Variants in ANO2 observed in about 807,000 individuals in gnomAD.
The protein encoded by ANO2 is anoctamin-2.
ANO2 carries 101 observed loss-of-function variants against 124.2 expected under a neutral mutation model. The ratio of observed to expected loss-of-function variants is 0.81; its 90% CI spans 0.69 to 0.96. The LOEUF is 0.96. ANO2 is among the 40% of genes least tolerant of loss of function. The pLI, the probability that ANO2 is intolerant of heterozygous loss-of-function variation, is 0.00. For synonymous variants in ANO2, 486 were observed against 482.5 expected (o/e 1.01, Z -0.09); for missense variants, 1,293 against 1,274.5 (o/e 1.01, Z -0.22).
chr12:5,765,932 GT>G (rs1355181423), intron 10 of ANO2, among the ~76,000 whole-genome samples: 1 of 152,144 alleles, frequency 6.6e-6, no homozygotes, highest in Non-Finnish European at 1.5e-5. Context: ...CAACATCCAA[GT>G]AATCAATAAA....
chr12:5,789,977 C>A (rs7310386), intron 10 of ANO2, among the ~76,000 whole-genome samples: 38 of 152,106 alleles, frequency 2.5e-4, no homozygotes, highest in African/African-American at 8.5e-4. Context: ...TCCAGGGACA[C>A]GTGGTCAAAC....
intron 16 of ANO2, among the ~76,000 whole-genome samples, chr12:5,616,079 C>T (rs1944791930): frequency 6.6e-6 from 1 of 152,066 alleles, no homozygotes; most frequent in Admixed American, 6.6e-5. Context: ...AACCAGTGGA[C>T]AATGGTTCAG....
Position 5,938,696 on chromosome 12 carries a change from G to A in ANO2, c.22+6500C>T, listed in dbSNP as rs191427114. On this transcript the variant is annotated intron_variant, in intron 1 of 24. Coordinates refer to ENST00000682330, the MANE Select transcript of ANO2 (RefSeq NM_001364791.2). ...AAAAATTAGCTGGGTGTGGTGGCAG[G>A]CACCTGTAATCCCAGCTACTCAGGA... Among the ~76,000 whole-genome samples, 622 of 152,208 alleles carry A rather than the reference G, an allele frequency of 4.1e-3. 5 individuals are homozygous for A. Among genetic ancestry groups the A allele is most frequent in the African/African-American group, 0.014 (583 of 41,536 alleles).
chr12:5,578,114 G>C, intron 21 of ANO2, 107 bp from the exon 22 acceptor site: 2 of 1,397,254 alleles, frequency 1.4e-6, no homozygotes, highest in African/African-American at 2.9e-5. Flanking sequence ...GAGCAGCTTT[G>C]CTGGGCCCCC....
chr12:5,738,857 A>G (rs1950979267), intron 13 of ANO2, among the ~76,000 whole-genome samples: 1 of 152,156 alleles, frequency 6.6e-6, no homozygotes, highest in South Asian at 2.1e-4. Flanking sequence ...CACATAGTGC[A>G]CTGGCTTATA....
At chr12:5,647,553 A>G (rs1256681765) in intron 15 of ANO2, among the ~76,000 whole-genome samples, 174 bp downstream of exon 15, 1 of 152,176 alleles carries the variant, frequency 6.6e-6, no homozygotes, top group East Asian at 1.9e-4. Context: ...AAATTCTAGC[A>G]TGGGTGGTCA....
At chr12:5,812,317 A>G (rs568868906) in intron 7 of ANO2, among the ~76,000 whole-genome samples, 108 of 109,984 alleles carry the variant, frequency 9.8e-4, no homozygotes, top group Admixed American at 2.2e-3. Flanking sequence ...GGAAGGAAGG[A>G]AGGGAGGGAG....
intron 14 of ANO2, among the ~76,000 whole-genome samples, chr12:5,651,282 C>T (rs1946903524): frequency 6.6e-6 from 1 of 152,208 alleles, no homozygotes; most frequent in Non-Finnish European, 1.5e-5. Context: ...ACATAAGTGC[C>T]CTTTTGGCAA....
intron 16 of ANO2, among the ~76,000 whole-genome samples, chr12:5,625,290 T>C (rs1945340358): frequency 6.6e-6 from 1 of 151,622 alleles, no homozygotes; most frequent in Non-Finnish European, 1.5e-5. Flanking sequence ...AGGATGAAAC[T>C]TGTGAAAAAT....
At chr12:5,611,163 G>T (rs1274190317) in intron 19 of ANO2, among the ~76,000 whole-genome samples, 1 of 151,608 alleles carries the variant, frequency 6.6e-6, no homozygotes, top group Non-Finnish European at 1.5e-5. Flanking sequence ...GAGAGATGGG[G>T]TGTCACCATA....
At chr12:5,685,058 G>C (rs1948648284) in intron 14 of ANO2, among the ~76,000 whole-genome samples, 1 of 152,162 alleles carries the variant, frequency 6.6e-6, no homozygotes, top group East Asian at 1.9e-4. Flanking sequence ...AGTTCTTTTT[G>C]TTCCAGACAC....
At chr12:5,581,218 T>C (rs1354801681) in intron 20 of ANO2, among the ~76,000 whole-genome samples, 1 of 152,182 alleles carries the variant, frequency 6.6e-6, no homozygotes, top group African/African-American at 2.4e-5. Context: ...TTTATGGAGT[T>C]ATAAGCTGGT....
intron 10 of ANO2, among the ~76,000 whole-genome samples, chr12:5,754,583 T>C (rs1388998105): frequency 6.6e-6 from 1 of 152,194 alleles, no homozygotes; most frequent in Non-Finnish European, 1.5e-5. Context: ...TGTTTCATTT[T>C]GTTTGTTTGT....
At chr12:5,802,353 T>C (rs1953067449) in intron 9 of ANO2, among the ~76,000 whole-genome samples, 1 of 152,222 alleles carries the variant, frequency 6.6e-6, no homozygotes, top group Admixed American at 6.5e-5. Flanking sequence ...GAGGAGGCCG[T>C]GATCAGGCAG....
At chr12:5,940,892 A>G (rs570603170) in intron 1 of ANO2, among the ~76,000 whole-genome samples, 40 of 152,236 alleles carry the variant, frequency 2.6e-4, no homozygotes, top group Non-Finnish European at 5.4e-4. Flanking sequence ...AATGTAGCCT[A>G]TCCACCCAAG....
chr12:5,725,455 G>A (rs368122923), intron 14 of ANO2, among the ~76,000 whole-genome samples: 10 of 152,226 alleles, frequency 6.6e-5, no homozygotes, highest in African/African-American at 9.6e-5. Flanking sequence ...GCGCTTTGCC[G>A]GTTGCTTTCA....
intron 1 of ANO2, among the ~76,000 whole-genome samples, chr12:5,943,169 G>A (rs1306039407): frequency 6.6e-6 from 1 of 152,176 alleles, no homozygotes; most frequent in Non-Finnish European, 1.5e-5. Context: ...GCACATGTAT[G>A]TTTATAGCAG....
chr12:5,750,824 A>G lies in ANO2; in HGVS notation c.1190+12T>C, dbSNP rs371199021. ...TATGGCAACTGAGCCCTTTTCTTTA[A>G]AACTGATTTACCTGGGAATATCTTC... On this transcript the variant is annotated intron_variant, in intron 11 of 24. Coordinates refer to ENST00000682330, the MANE Select transcript of ANO2 (RefSeq NM_001364791.2). 6.6e-5 allele frequency: 106 copies of G among 1,607,682 alleles called. 1 individual carries two copies. The East Asian group carries it at 1.3e-3, about 19-fold the overall frequency.
chr12:5,701,001 T>G (rs1460238757), intron 14 of ANO2, among the ~76,000 whole-genome samples: 2 of 151,972 alleles, frequency 1.3e-5, no homozygotes, highest in South Asian at 2.1e-4. Context: ...GCCTTTCAGA[T>G]GCTCCCAAAT....
Sources: gnomAD v4.1 joint callset for allele counts (sites outside exome capture counted in the v4.1 genomes callset) on GRCh38, gnomAD v4.1.1 for gene constraint, MANE v1.5 for transcripts, NCBI Gene and HGNC (gene_info 2026-07-23, HGNC 2026-07-21) for gene names.